Variants in ST6GALNAC3 observed in about 807,000 individuals in gnomAD.
The protein encoded by ST6GALNAC3 is ST6 N-acetylgalactosaminide alpha-2,6-sialyltransferase 3.
In ST6GALNAC3, 25 loss-of-function variants were observed where a neutral mutation model predicts 32.7. That is an observed-to-expected ratio of 0.76 (90% CI 0.56 to 1.07). The LOEUF is 1.07. Ranked by LOEUF, ST6GALNAC3 falls within the 50% of genes least tolerant of loss-of-function variation. The pLI is 0.00. For missense variants in ST6GALNAC3, 355 were observed against 382.4 expected (o/e 0.93, Z 0.60); for synonymous variants, 129 against 133.1 (o/e 0.97, Z 0.21).
intron 1 of ST6GALNAC3, among the ~76,000 whole-genome samples, chr1:76,276,191 C>CTATATA (rs59142016): frequency 6.7e-6 from 1 of 149,628 alleles, no homozygotes; most frequent in African/African-American, 2.5e-5. Flanking sequence ...TATATATGTA[C>CTATATA]TATATATATA....
intron 3 of ST6GALNAC3, among the ~76,000 whole-genome samples, chr1:76,611,993 A>C (rs1647967715): frequency 6.6e-6 from 1 of 152,238 alleles, no homozygotes; most frequent in Non-Finnish European, 1.5e-5. Flanking sequence ...AGGGAAATAC[A>C]TACAGGCCAT....
At chr1:76,547,739 A>G (rs1664382828) in intron 3 of ST6GALNAC3, among the ~76,000 whole-genome samples, 1 of 152,032 alleles carries the variant, frequency 6.6e-6, no homozygotes, top group African/African-American at 2.4e-5. Flanking sequence ...CTGTACTCTC[A>G]GCTACTTGGG....
At chr1:76,207,818 A>G (rs1401347257) in intron 1 of ST6GALNAC3, among the ~76,000 whole-genome samples, 1 of 152,270 alleles carries the variant, frequency 6.6e-6, no homozygotes, top group Non-Finnish European at 1.5e-5. Flanking sequence ...TGTTAAATTT[A>G]TCTTCTCTTC....
rs139694500 is a variant in ST6GALNAC3 at position 76,429,739 on chromosome 1, C to CT, written c.623+17324dup. Among the ~76,000 whole-genome samples the CT allele has an allele frequency of 6.8e-3, 1,034 of 152,226 alleles. 13 individuals carry two copies. Among genetic ancestry groups the CT allele is most frequent in the African/African-American group, 0.024 (996 of 41,522 alleles). On this transcript the variant is annotated intron_variant, in intron 3 of 4. Coordinates refer to ENST00000328299, the MANE Select transcript of ST6GALNAC3 (RefSeq NM_152996.4). The stretch of plus-strand genomic sequence containing the variant: ...ACTGTGAGCTCAACTATGAATGACT[C>CT]TTGGCCGCTCTCATCAGTCTTGGAT...
At chr1:76,581,792 A>G (rs1646895665) in intron 3 of ST6GALNAC3, among the ~76,000 whole-genome samples, 1 of 152,136 alleles carries the variant, frequency 6.6e-6, no homozygotes, top group African/African-American at 2.4e-5. Flanking sequence ...GGTAAGGATC[A>G]ATAATATATT....
At chr1:76,380,490 A>T (rs1651616264) in intron 2 of ST6GALNAC3, among the ~76,000 whole-genome samples, 1 of 152,214 alleles carries the variant, frequency 6.6e-6, no homozygotes, top group Admixed American at 6.5e-5. Context: ...AGAACATATG[A>T]CCACTGAGCA....
At chr1:76,365,316 G>A (rs1348112661) in intron 2 of ST6GALNAC3, among the ~76,000 whole-genome samples, 3 of 152,138 alleles carry the variant, frequency 2.0e-5, no homozygotes, top group Non-Finnish European at 4.4e-5. Context: ...AGACACTGGG[G>A]ACTCCAAAAG....
chr1:76,420,996 A>G (rs1269928814), intron 3 of ST6GALNAC3, among the ~76,000 whole-genome samples: 1 of 151,994 alleles, frequency 6.6e-6, no homozygotes, highest in Non-Finnish European at 1.5e-5. Context: ...TCCATAAACT[A>G]TTTGAGGGAA....
rs533410779 is a variant in ST6GALNAC3 at position 76,393,775 on chromosome 1, A to G, written c.214-18233A>G. 6.6e-5 allele frequency among the ~76,000 whole-genome samples: 10 copies of G among 152,296 alleles called. No individual in the cohort carries two copies. In the South Asian group the frequency reaches 1.9e-3, roughly 28 times the overall value. ...TATTTAATCACATGATTTGTCTTTA[A>G]TAAACCTCTACTGGCTCCCAAGAAG... On this transcript the variant is annotated intron_variant, in intron 2 of 4. Transcript: ENST00000328299.
rs746542992 is a variant in ST6GALNAC3 at position 76,455,622 on chromosome 1, G to A, written c.623+43205G>A. Among the ~76,000 whole-genome samples the A allele has an allele frequency of 2.2e-4, 34 of 152,214 alleles. 1 individual carries two copies. The highest frequency in any genetic ancestry group is 5.8e-4 in the East Asian group (3 of 5,170). On this transcript the variant is annotated intron_variant, in intron 3 of 4. Coordinates refer to ENST00000328299, the MANE Select transcript of ST6GALNAC3 (RefSeq NM_152996.4). ...TGAAAACCAATTCTCCATTGTGTCC[G>A]TTGCTCTCTTTATTTCAAGTACTGA...
intron 3 of ST6GALNAC3, among the ~76,000 whole-genome samples, chr1:76,499,933 T>C (rs1436085): frequency 0.78 from 118,815 of 151,952 alleles, 46,576 homozygotes; most frequent in South Asian, 0.87. Context: ...AATTTCTAAC[T>C]GGAATACTAT....
intron 3 of ST6GALNAC3, among the ~76,000 whole-genome samples, chr1:76,498,269 T>C (rs891497734): frequency 6.6e-6 from 1 of 152,214 alleles, no homozygotes; most frequent in Non-Finnish European, 1.5e-5. Context: ...CCTTTTATCA[T>C]AAATACAGCT....
chr1:76,235,159 G>T (rs1158846302), intron 1 of ST6GALNAC3, among the ~76,000 whole-genome samples: 2 of 152,136 alleles, frequency 1.3e-5, no homozygotes, highest in African/African-American at 2.4e-5. Flanking sequence ...AGGAAAAAAG[G>T]ATTACTCCCC....
At chr1:76,353,568 A>C (rs1398345756) in intron 2 of ST6GALNAC3, 1 of 155,698 alleles carries the variant, frequency 6.4e-6, no homozygotes, top group East Asian at 1.9e-4. Flanking sequence ...CAGTGAAGGG[A>C]TCTGGGCCTC....
intron 1 of ST6GALNAC3, among the ~76,000 whole-genome samples, chr1:76,170,496 C>CA (rs1215898245): frequency 6.6e-6 from 1 of 152,088 alleles, no homozygotes; most frequent in East Asian, 1.9e-4. Context: ...GAAATTGTTT[C>CA]AAAAATCTAT....
intron 3 of ST6GALNAC3, among the ~76,000 whole-genome samples, chr1:76,453,085 CT>C (rs1657525492): frequency 6.6e-6 from 1 of 152,084 alleles, no homozygotes; most frequent in African/African-American, 2.4e-5. Flanking sequence ...TCATGGTAGC[CT>C]TGAATTATCT....
chr1:76,497,267 G>A (rs1660910805), intron 3 of ST6GALNAC3, among the ~76,000 whole-genome samples: 1 of 152,096 alleles, frequency 6.6e-6, no homozygotes, highest in South Asian at 2.1e-4. Context: ...GCTTTGGGGG[G>A]CCACAGGAGA....
intron 3 of ST6GALNAC3, among the ~76,000 whole-genome samples, chr1:76,555,343 T>C (rs1027709873): frequency 1.3e-5 from 2 of 152,170 alleles, no homozygotes; most frequent in African/African-American, 4.8e-5. Flanking sequence ...TGAATTCTAG[T>C]TTCTGTGGAA....
chr1:76,149,372 GT>G (rs1483038216), intron 1 of ST6GALNAC3, among the ~76,000 whole-genome samples: 2 of 152,222 alleles, frequency 1.3e-5, no homozygotes, highest in African/African-American at 4.8e-5. Context: ...GTGGGAAAGA[GT>G]ATATTCCCAG....
Sources: gnomAD v4.1 joint callset for allele counts (sites outside exome capture counted in the v4.1 genomes callset) on GRCh38, gnomAD v4.1.1 for gene constraint, MANE v1.5 for transcripts, NCBI Gene and HGNC (gene_info 2026-07-23, HGNC 2026-07-21) for gene names.